SHISA9: variants seen among roughly 807,000 people sequenced by gnomAD.
The protein encoded by SHISA9 is shisa family member 9, also known as protein shisa-9.
SHISA9 carries 13 observed loss-of-function variants against 38.0 expected under a neutral mutation model. That is an observed-to-expected ratio of 0.34 (90% CI 0.22 to 0.54). SHISA9 has a LOEUF of 0.54. Ranked by LOEUF, SHISA9 falls within the 20% of genes least tolerant of loss-of-function variation. SHISA9 has a pLI of 0.91. For synonymous variants in SHISA9, 275 were observed against 242.0 expected (o/e 1.14, Z -1.27); for missense variants, 538 against 575.8 (o/e 0.93, Z 0.67).
the SHISA9 span, among the ~76,000 whole-genome samples, chr16:13,483,877 C>T: frequency 6.6e-6 from 1 of 152,158 alleles, no homozygotes; most frequent in African/African-American, 2.4e-5. Flanking sequence ...TCATTTGGAT[C>T]CTTTGCAATA....
At chr16:13,446,244 C>T in the SHISA9 span, among the ~76,000 whole-genome samples, 1 of 151,928 alleles carries the variant, frequency 6.6e-6, no homozygotes, top group African/African-American at 2.4e-5. Context: ...CGTGCCTGGC[C>T]GTGCCTAGCA....
chr16:13,352,595 G>A, the SHISA9 span, among the ~76,000 whole-genome samples: 910 of 151,868 alleles, frequency 6.0e-3, 7 homozygotes, highest in African/African-American at 0.018. Flanking sequence ...ATGCGCGTCC[G>A]TGTGAAGAGA....
At chr16:13,064,431 C>T (rs550959692) in intron 2 of SHISA9, among the ~76,000 whole-genome samples, 8 of 152,074 alleles carry the variant, frequency 5.3e-5, no homozygotes, top group African/African-American at 1.9e-4. Context: ...CACTGACAAA[C>T]CTGCACATGT....
intron 4 of SHISA9, among the ~76,000 whole-genome samples, chr16:13,227,521 T>A (rs1344467890): frequency 6.6e-6 from 1 of 152,154 alleles, no homozygotes; most frequent in African/African-American, 2.4e-5. Flanking sequence ...ATCTGAGTAA[T>A]GTTGCTGGGT....
intron 2 of SHISA9, among the ~76,000 whole-genome samples, chr16:12,920,133 A>G (rs1288203069): frequency 1.3e-5 from 2 of 150,848 alleles, no homozygotes; most frequent in African/African-American, 2.4e-5. Flanking sequence ...ATTTGTGTTC[A>G]CAGCACACTT....
intron 2 of SHISA9, among the ~76,000 whole-genome samples, chr16:12,985,205 A>AAT (rs2072291169): frequency 7.9e-6 from 1 of 126,686 alleles, no homozygotes; most frequent in African/African-American, 3.1e-5. Flanking sequence ...AAATATCTAC[A>AAT]CTATATCTGT....
At position 13,119,075 on chromosome 16, in the gene SHISA9, C is replaced by T. The variant is rs150504856; in HGVS notation, c.692-84319C>T. 3.5e-4 allele frequency among the ~76,000 whole-genome samples: 53 copies of T among 152,142 alleles called. No homozygotes were observed. The East Asian group carries it at 9.7e-3, about 28-fold the overall frequency. ...TAGAGATGGAGTTTCACCTTGTTGG[C>T]TAGGCTGATCTTGAACTTCTGACCT... On this transcript the variant is annotated intron_variant, in intron 2 of 4. Coordinates refer to ENST00000558583, the MANE Select transcript of SHISA9 (RefSeq NM_001145204.3).
intron 2 of SHISA9, among the ~76,000 whole-genome samples, chr16:13,037,058 T>TCA (rs66529584): frequency 0.026 from 3,550 of 135,956 alleles, 94 homozygotes; most frequent in Non-Finnish European, 0.032. Flanking sequence ...CAGGGAATGA[T>TCA]CACACACACA....
chr16:13,065,233 C>T (rs529797397), intron 2 of SHISA9, among the ~76,000 whole-genome samples: 36 of 152,284 alleles, frequency 2.4e-4, no homozygotes, highest in Admixed American at 9.8e-4. Context: ...TTGCCACTGA[C>T]CTTCTTCTTC....
At chr16:13,373,253 C>A in the SHISA9 span, among the ~76,000 whole-genome samples, 7 of 152,222 alleles carry the variant, frequency 4.6e-5, no homozygotes, top group African/African-American at 1.7e-4. Context: ...ACAGCATTAG[C>A]TGATTCGCCA....
chr16:13,191,088 A>G (rs1183969450), intron 2 of SHISA9, among the ~76,000 whole-genome samples: 1 of 152,198 alleles, frequency 6.6e-6, no homozygotes. Flanking sequence ...GCTTGTGGAC[A>G]GAAAAAAACC....
At chr16:13,104,711 T>C (rs927994892) in intron 2 of SHISA9, among the ~76,000 whole-genome samples, 1 of 150,446 alleles carries the variant, frequency 6.6e-6, no homozygotes, top group African/African-American at 2.5e-5. Flanking sequence ...AGGTGAAGAT[T>C]AACAGCAAAT....
chr16:13,087,788 C>G (rs1213438346), intron 2 of SHISA9, among the ~76,000 whole-genome samples: 9 of 152,198 alleles, frequency 5.9e-5, no homozygotes, highest in Admixed American at 3.3e-4. Flanking sequence ...CCTGTTCACT[C>G]TGATGGTAGT....
At chr16:13,499,813 A>G in the SHISA9 span, among the ~76,000 whole-genome samples, 1 of 152,170 alleles carries the variant, frequency 6.6e-6, no homozygotes, top group African/African-American at 2.4e-5. Flanking sequence ...GTCATGGAGA[A>G]TGATTCTCAG....
At chr16:13,025,498 G>A (rs960455170) in intron 2 of SHISA9, among the ~76,000 whole-genome samples, 13 of 152,202 alleles carry the variant, frequency 8.5e-5, no homozygotes, top group Admixed American at 8.5e-4. Flanking sequence ...AAATAGCGAT[G>A]CCTCTGTCCC....
the SHISA9 span, among the ~76,000 whole-genome samples, chr16:13,468,092 G>A: frequency 6.9e-6 from 1 of 144,394 alleles, no homozygotes; most frequent in Non-Finnish European, 1.5e-5. Context: ...GATTTTAAAT[G>A]GATATAGTTT....
At chr16:13,498,263 G>A in the SHISA9 span, among the ~76,000 whole-genome samples, 3 of 152,076 alleles carry the variant, frequency 2.0e-5, no homozygotes, top group South Asian at 4.1e-4. Context: ...TTAAAAGGCT[G>A]CCTTTAAAAA....
chr16:13,365,101 T>C, the SHISA9 span, among the ~76,000 whole-genome samples: 16 of 152,304 alleles, frequency 1.1e-4, no homozygotes, highest in Admixed American at 4.6e-4. Flanking sequence ...CCTATACCTA[T>C]ATTGTGTTCA....
chr16:12,986,087 G>A (rs1465114976), intron 2 of SHISA9, among the ~76,000 whole-genome samples: 2 of 150,964 alleles, frequency 1.3e-5, no homozygotes, highest in South Asian at 2.1e-4. Context: ...TGTGTCACCT[G>A]CATCTTTACT....
Sources: allele counts gnomAD v4.1 joint callset (sites outside exome capture counted in the v4.1 genomes callset), GRCh38; gene constraint gnomAD v4.1.1; transcripts MANE v1.5; gene names NCBI Gene and HGNC (gene_info 2026-07-23, HGNC 2026-07-21).